The following ICE1 variants were observed in gnomAD, a reference collection of about 807,000 sequenced individuals.
ICE1 encodes interactor of little elongation complex ELL subunit 1.
In ICE1, 64 loss-of-function variants were observed where a neutral mutation model predicts 192.7. That is an observed-to-expected ratio of 0.33 (90% CI 0.27 to 0.41). The LOEUF is 0.41. Among genes scored for constraint, ICE1 ranks in the 10% least tolerant of loss-of-function variants. ICE1 has a pLI of 1.00. For synonymous variants in ICE1, 1,010 were observed against 984.5 expected (o/e 1.03, Z -0.49); for missense variants, 2,708 against 2,696.0 (o/e 1.00, Z -0.10).
rs1739645257 is a variant in ICE1 at position 5,486,632 on chromosome 5, C to T, written c.6521-89C>T. On this transcript the variant is annotated intron_variant, in intron 17 of 18. Transcript: ENST00000296564. ...CGAAATGATGAGGCATTTTGATCACCTCTTGTAAGAGAAGTGGACCTTTAA... is the reference window on the plus strand; with the variant it reads ...CGAAATGATGAGGCATTTTGATCACTTCTTGTAAGAGAAGTGGACCTTTAA... The T allele has an allele frequency of 8.3e-6, 7 of 847,934 alleles. No individual in the cohort carries two copies. In the South Asian group the frequency reaches 1.1e-4, roughly 13 times the overall value. The allele number at this position is 847,934 out of a possible 1,614,324, so 52.5% of individuals were successfully genotyped here.
chr5:5,454,334 AAAG>A (rs1247044562), intron 10 of ICE1, among the ~76,000 whole-genome samples: 1 of 152,184 alleles, frequency 6.6e-6, no homozygotes, highest in Non-Finnish European at 1.5e-5. Context: ...TTTTTTTAAA[AAAG>A]CAAACAAAAG....
Position 5,475,961 on chromosome 5 carries a change from G to GT in ICE1, c.6414-5dup, listed in dbSNP as rs778556612. 6 of 1,534,296 alleles carry GT rather than the reference G, an allele frequency of 3.9e-6. No homozygotes were observed. The highest frequency in any genetic ancestry group is 1.7e-5 in the Admixed American group (1 of 58,256). ...TGATGAGCATACATCTTTTCATGTTGTTTTTTTATAGTAAGGAGCTGTGGC... is the reference window on the plus strand; with the variant it reads ...TGATGAGCATACATCTTTTCATGTTGTTTTTTTTATAGTAAGGAGCTGTGGC... On this transcript the variant is annotated splice_polypyrimidine_tract_variant and intron_variant, in intron 16 of 18. Transcript: ENST00000296564.
chr5:5,433,229 A>G (rs1378010511), intron 1 of ICE1, among the ~76,000 whole-genome samples: 4 of 152,176 alleles, frequency 2.6e-5, no homozygotes, highest in Non-Finnish European at 5.9e-5. Flanking sequence ...GAGACCTTCA[A>G]AAAGCAAACC....
chr5:5,471,440 T>G (rs185056505), intron 15 of ICE1, among the ~76,000 whole-genome samples: 3 of 152,242 alleles, frequency 2.0e-5, no homozygotes, highest in Admixed American at 2.0e-4. Flanking sequence ...GAGGAAAAAT[T>G]GAAAGCCTTC....
At chr5:5,439,384 G>A (rs942932833) in intron 3 of ICE1, among the ~76,000 whole-genome samples, 5 of 152,130 alleles carry the variant, frequency 3.3e-5, no homozygotes, top group African/African-American at 1.2e-4. Flanking sequence ...TTTACTAGCA[G>A]TATGAGATGG....
rs550654811 is a variant in ICE1 at position 5,423,630 on chromosome 5, T to C, written c.84+631T>C. Among the ~76,000 whole-genome samples, 3 of 152,328 alleles carry C rather than the reference T, an allele frequency of 2.0e-5. No individual in the cohort carries two copies. The South Asian group carries it at 6.2e-4, about 32-fold the overall frequency. Reference sequence around the variant, plus strand: ...TCTAACAGCGGCGTGGGCTCTTCTTTAGAGTGACATAAGGGAGAATTGCTA... The same window carrying C: ...TCTAACAGCGGCGTGGGCTCTTCTTCAGAGTGACATAAGGGAGAATTGCTA... On this transcript the variant is annotated intron_variant, in intron 1 of 18. Transcript: ENST00000296564.
chr5:5,456,794 G>A (rs544288899), intron 11 of ICE1, among the ~76,000 whole-genome samples: 1 of 152,278 alleles, frequency 6.6e-6, no homozygotes, highest in Admixed American at 6.5e-5. Context: ...TCAAGACCAG[G>A]ATTAGGTTTT....
At chr5:5,425,026 T>C (rs188647732) in intron 1 of ICE1, among the ~76,000 whole-genome samples, 2 of 152,364 alleles carry the variant, frequency 1.3e-5, no homozygotes, top group African/African-American at 4.8e-5. Flanking sequence ...GGATCTGTTA[T>C]GGTTAAATTT....
At chr5:5,466,935 T>G (rs1739003996) in intron 14 of ICE1, among the ~76,000 whole-genome samples, 1 of 152,186 alleles carries the variant, frequency 6.6e-6, no homozygotes, top group South Asian at 2.1e-4. Context: ...TGTCCTTTGA[T>G]TCTCTTTTCT....
rs1738873416 is a variant in ICE1 at position 5,463,568 on chromosome 5, A to G, written c.4234A>G (p.Lys1412Glu). 1 of 1,614,032 alleles carries G rather than the reference A, an allele frequency of 6.2e-7. No individual in the cohort carries two copies. The highest frequency in any genetic ancestry group is 8.5e-7 in the Non-Finnish European group (1 of 1,179,882). Residue 1412 changes from lysine (K) to glutamate (E), a missense_variant, in exon 13 of 19, where the codon AAG becomes GAG. Physicochemically the swap from Lys to Glu is moderately conservative, Grantham distance 56. Coordinates refer to ENST00000296564, the MANE Select transcript of ICE1 (RefSeq NM_015325.3). ...AGAAGTTATAAACGTACTTATAAATAAGGATCAGAATCTAGTCATTGAAAA... is the reference window on the plus strand; with the variant it reads ...AGAAGTTATAAACGTACTTATAAATGAGGATCAGAATCTAGTCATTGAAAA... ...TSEVINVLINKDQNLVIEKGD... is the reference protein window; with the variant it reads ...TSEVINVLINEDQNLVIEKGD...
intron 7 of ICE1, among the ~76,000 whole-genome samples, chr5:5,447,038 C>T (rs1454393946): frequency 1.3e-5 from 2 of 152,122 alleles, no homozygotes; most frequent in African/African-American, 4.8e-5. Context: ...CTCTCCCCTC[C>T]CTAATAAAGA....
At chr5:5,451,031 A>G (rs1359466278) in intron 10 of ICE1, among the ~76,000 whole-genome samples, 1 of 152,200 alleles carries the variant, frequency 6.6e-6, no homozygotes, top group Non-Finnish European at 1.5e-5. Flanking sequence ...TCAAATGTAT[A>G]AAAGTTGACT....
intron 17 of ICE1, among the ~76,000 whole-genome samples, chr5:5,477,882 C>G (rs914242312): frequency 2.6e-5 from 4 of 152,178 alleles, no homozygotes; most frequent in Non-Finnish European, 5.9e-5. Flanking sequence ...TGACAAAAAC[C>G]ACATGATTAT....
At chr5:5,435,329 T>C (rs1004834774) in intron 1 of ICE1, among the ~76,000 whole-genome samples, 2 of 147,798 alleles carry the variant, frequency 1.4e-5, no homozygotes, top group African/African-American at 5.4e-5. Context: ...AGGCAGACAT[T>C]ATCATAAAGG....
At chr5:5,428,495 C>G (rs577338955) in intron 1 of ICE1, among the ~76,000 whole-genome samples, 1 of 152,188 alleles carries the variant, frequency 6.6e-6, no homozygotes, top group Admixed American at 6.5e-5. Flanking sequence ...TTCAGACTTA[C>G]AATAAAGTTG....
chr5:5,441,261 T>C (rs746037918), intron 5 of ICE1, 38 bp downstream of exon 5: 2 of 1,272,434 alleles, frequency 1.6e-6, no homozygotes, highest in Non-Finnish European at 2.2e-6. Flanking sequence ...TTACGGTCAA[T>C]AAATTAGGAT....
rs1406514914 is a variant in ICE1, at chr5:5,460,393, C to A, written c.1102-43C>A. On this transcript the variant is annotated intron_variant, in intron 12 of 18. Coordinates refer to ENST00000296564, the MANE Select transcript of ICE1 (RefSeq NM_015325.3). ...GCATTTAATTGATAGTCATGTTAATCTGTTGAATTAGTGTTTGACAAGTGT... is the reference window on the plus strand; with the variant it reads ...GCATTTAATTGATAGTCATGTTAATATGTTGAATTAGTGTTTGACAAGTGT... The A allele has an allele frequency of 3.5e-6, 4 of 1,128,824 alleles. No homozygotes were observed. The South Asian group carries it at 4.8e-5, about 14-fold the overall frequency. The allele number at this position is 1,128,824 out of a possible 1,614,324, so 69.9% of individuals were successfully genotyped here.
intron 17 of ICE1, among the ~76,000 whole-genome samples, chr5:5,483,154 CTAAT>C (rs1002505686): frequency 6.6e-6 from 1 of 152,058 alleles, no homozygotes; most frequent in Non-Finnish European, 1.5e-5. Context: ...CCATGCTCGG[CTAAT>C]TTTTTGTTGT....
In ICE1 at chr5:5,464,194, A is replaced by G. The variant is rs1485946754; in HGVS notation, c.4860A>G (p.Thr1620=). ...CTCCTACAGATTGTTCTCCTGACAC[A>G]CTGAGTAAAATACGGCAAGAGGTGG... is the stretch of plus-strand genomic sequence containing the variant. ...TSTPTDCSPD[T]LSKIRQEVGP... Residue 1620 remains threonine (T), a synonymous_variant, in exon 13 of 19, where the codon ACA becomes ACG. Transcript: ENST00000296564. The surrounding 1 kb of genome is among the most constrained non-coding windows in gnomAD (Gnocchi z 4.0). 3.1e-6 allele frequency: 5 copies of G among 1,613,546 alleles called. No homozygotes were observed. Among genetic ancestry groups the G allele is most frequent in the East Asian group, 4.5e-5 (2 of 44,854 alleles).
Sources: allele counts gnomAD v4.1 joint callset (sites outside exome capture counted in the v4.1 genomes callset), GRCh38; gene constraint gnomAD v4.1.1; non-coding constraint Gnocchi (gnomAD v3.1); transcripts MANE v1.5; gene names NCBI Gene and HGNC (gene_info 2026-07-23, HGNC 2026-07-21).